The following PVT1 variants were observed in gnomAD, a reference collection of about 807,000 sequenced individuals.
PVT1 encodes the protein Pvt1 oncogene.
At chr8:127,904,345 C>T (rs977665238) in intron 3 of PVT1, among the ~76,000 whole-genome samples, 1 of 21,048 alleles carries the variant, frequency 4.8e-5, no homozygotes, top group Non-Finnish European at 9.2e-5. Context: ...GTGGGTTATC[C>T]AGTTTTGCAG....
chr8:128,077,373 A>G (rs918046632), intron 5 of PVT1, among the ~76,000 whole-genome samples: 11 of 152,168 alleles, frequency 7.2e-5, no homozygotes, highest in Non-Finnish European at 1.6e-4. Flanking sequence ...GGGGTAGGTG[A>G]CTAACCCTCT....
chr8:127,875,847 T>C (rs1815398887), intron 2 of PVT1, among the ~76,000 whole-genome samples: 1 of 152,238 alleles, frequency 6.6e-6, no homozygotes, highest in Non-Finnish European at 1.5e-5. Context: ...TAAGGGCAGG[T>C]CGTGGGCTCC....
chr8:127,989,403 T>G (rs1483179604), intron 4 of PVT1: 1 of 151,980 alleles, frequency 6.6e-6, no homozygotes, highest in African/African-American at 2.4e-5. Context: ...TGTGTCTTCC[T>G]GTGCCGCTCC....
intron 2 of PVT1, among the ~76,000 whole-genome samples, chr8:127,803,723 GTT>G (rs11395238): frequency 1.4e-5 from 2 of 141,870 alleles, no homozygotes. Context: ...TGTCTCTACA[GTT>G]TTTTTTTTTT....
At chr8:127,901,491 C>T (rs1344791593) in intron 3 of PVT1, among the ~76,000 whole-genome samples, 1 of 152,174 alleles carries the variant, frequency 6.6e-6, no homozygotes, top group Non-Finnish European at 1.5e-5. Flanking sequence ...CTGTAAAGGT[C>T]AGGAGGGGGA....
intron 2 of PVT1, among the ~76,000 whole-genome samples, chr8:127,840,904 A>G (rs1164813812): frequency 6.6e-6 from 1 of 152,228 alleles, no homozygotes; most frequent in African/African-American, 2.4e-5. Context: ...TGGGATGGCG[A>G]ATGAAGAAGG....
At chr8:127,953,253 G>A (rs974527349) in intron 3 of PVT1, among the ~76,000 whole-genome samples, 21 of 152,126 alleles carry the variant, frequency 1.4e-4, no homozygotes, top group Non-Finnish European at 2.8e-4. Flanking sequence ...TCTTGGCCCC[G>A]ATCTGCTGGG....
At chr8:127,835,176 G>A (rs4733799) in intron 2 of PVT1, among the ~76,000 whole-genome samples, 92,959 of 151,868 alleles carry the variant, frequency 0.61, 28,811 homozygotes, top group Admixed American at 0.69. Flanking sequence ...TTTTACAATA[G>A]CAAAGACCTG....
chr8:127,845,685 G>A (rs1723388041), intron 2 of PVT1, among the ~76,000 whole-genome samples: 1 of 152,194 alleles, frequency 6.6e-6, no homozygotes, highest in Admixed American at 6.5e-5. Flanking sequence ...GCCGGCAGGG[G>A]CATAAATAAT....
chr8:127,942,976 G>A (rs1380582237), intron 3 of PVT1, among the ~76,000 whole-genome samples: 1 of 152,214 alleles, frequency 6.6e-6, no homozygotes, highest in Non-Finnish European at 1.5e-5. Context: ...CTGCCTCAGG[G>A]CCTCCTCTCC....
At chr8:128,043,830 C>CTGTTTTT (rs1244929006) in intron 4 of PVT1, among the ~76,000 whole-genome samples, 1 of 116,294 alleles carries the variant, frequency 8.6e-6, no homozygotes, top group African/African-American at 3.3e-5. Context: ...AACATCTTGT[C>CTGTTTTT]TTTTTTTTTT....
intron 4 of PVT1, among the ~76,000 whole-genome samples, chr8:128,031,231 G>A (rs1813383395): frequency 1.3e-5 from 2 of 152,230 alleles, no homozygotes; most frequent in Admixed American, 6.5e-5. Flanking sequence ...GGCTGGCAGG[G>A]GAGGGACCCT....
At chr8:128,043,304 C>T (rs1215950882) in intron 4 of PVT1, among the ~76,000 whole-genome samples, 1 of 152,096 alleles carries the variant, frequency 6.6e-6, no homozygotes, top group East Asian at 1.9e-4. Context: ...GGATAAAGCC[C>T]CCTAGGACTT....
rs1213000066 is a variant in PVT1 at position 127,952,938 on chromosome 8, A to G, written n.783-36224A>G. Among the ~76,000 whole-genome samples, 3 of 152,122 alleles carry G rather than the reference A, an allele frequency of 2.0e-5. No individual in the cohort carries two copies. The East Asian group carries it at 5.8e-4, about 29-fold the overall frequency. On this transcript the variant is annotated intron_variant and non_coding_transcript_variant, in intron 3 of 10. Coordinates refer to ENST00000651587, the Ensembl canonical transcript of PVT1. ...CGCCACCACGCCTGGCTAATTTTTTATGTTTTTAGTAGAGACGGGGTTTCA... is the reference window on the plus strand; with the variant it reads ...CGCCACCACGCCTGGCTAATTTTTTGTGTTTTTAGTAGAGACGGGGTTTCA...
At chr8:127,864,401 T>C (rs946322711) in intron 2 of PVT1, among the ~76,000 whole-genome samples, 3 of 152,096 alleles carry the variant, frequency 2.0e-5, no homozygotes, top group Non-Finnish European at 2.9e-5. Context: ...GCCGTCAGGG[T>C]TTGTGGGCAA....
intron 2 of PVT1, among the ~76,000 whole-genome samples, chr8:127,839,766 G>T (rs1814952241): frequency 6.6e-6 from 1 of 152,018 alleles, no homozygotes; most frequent in Non-Finnish European, 1.5e-5. Flanking sequence ...GTTAGGGAAG[G>T]TGTCAGAGAA....
At chr8:128,041,658 T>C (rs1479635938) in intron 4 of PVT1, among the ~76,000 whole-genome samples, 1 of 151,344 alleles carries the variant, frequency 6.6e-6, no homozygotes, top group Non-Finnish European at 1.5e-5. Flanking sequence ...TGTGTGTATT[T>C]TGTGAGTGCG....
At chr8:127,886,880 T>A (rs1815529323) in intron 2 of PVT1, among the ~76,000 whole-genome samples, 1 of 152,232 alleles carries the variant, frequency 6.6e-6, no homozygotes, top group Non-Finnish European at 1.5e-5. Flanking sequence ...ATTGAGCTAT[T>A]ATAAATTATA....
At chr8:127,799,751 G>A (rs897763826) in intron 2 of PVT1, among the ~76,000 whole-genome samples, 1 of 152,220 alleles carries the variant, frequency 6.6e-6, no homozygotes, top group African/African-American at 2.4e-5. Flanking sequence ...TGAGCACACA[G>A]TAAAAGGTAG....
Sources: allele counts gnomAD v4.1 joint callset (sites outside exome capture counted in the v4.1 genomes callset), GRCh38; gene constraint gnomAD v4.1.1; transcripts MANE v1.5; gene names NCBI Gene and HGNC (gene_info 2026-07-23, HGNC 2026-07-21).